The following ZNF569 variants were observed in gnomAD, a reference collection of about 807,000 sequenced individuals.
ZNF569 encodes the protein zinc finger protein 569.
In ZNF569, 38 loss-of-function variants were observed where a neutral mutation model predicts 56.3. The observed-to-expected ratio is 0.68, with a 90% CI of 0.52 to 0.88. The LOEUF is 0.88. Among genes scored for constraint, ZNF569 ranks in the 40% least tolerant of loss-of-function variants. The pLI is 0.00. For missense variants in ZNF569, 666 were observed against 809.2 expected, an observed-to-expected ratio of 0.82 and a Z score of 2.15; for synonymous variants, 241 against 262.9, an observed-to-expected ratio of 0.92 and a Z score of 0.81.
At chr19:37,438,915 AAT>A (rs2041357124) in intron 3 of ZNF569, among the ~76,000 whole-genome samples, 1 of 152,148 alleles carries the variant, frequency 6.6e-6, no homozygotes, top group Non-Finnish European at 1.5e-5. Flanking sequence ...AAAAAAGTCT[AAT>A]AACTTGATTT....
At chr19:37,427,485 G>C (rs1342298367) in intron 3 of ZNF569, among the ~76,000 whole-genome samples, 1 of 152,136 alleles carries the variant, frequency 6.6e-6, no homozygotes, top group Non-Finnish European at 1.5e-5. Context: ...GGAAAAAAGG[G>C]AGCAATCCAT....
chr19:37,420,671 G>A (rs2041020167), intron 5 of ZNF569, among the ~76,000 whole-genome samples: 1 of 152,070 alleles, frequency 6.6e-6, no homozygotes, highest in African/African-American at 2.4e-5. Flanking sequence ...CTGAAGCCTT[G>A]AATCCTTCAA....
chr19:37,449,757 G>A (rs2041562326), intron 2 of ZNF569, among the ~76,000 whole-genome samples: 3 of 151,076 alleles, frequency 2.0e-5, no homozygotes, highest in Admixed American at 6.6e-5. Flanking sequence ...CCATCTTGTA[G>A]TCTGGTAGTT....
chr19:37,455,195 T>C (rs1003200630), intron 2 of ZNF569: 1 of 244,090 alleles, frequency 4.1e-6, no homozygotes, highest in African/African-American at 2.2e-5. Flanking sequence ...CAGTTTAAAG[T>C]CAAGTAAATT....
At chr19:37,465,691 G>C (rs991088036) in intron 1 of ZNF569, among the ~76,000 whole-genome samples, 1 of 152,134 alleles carries the variant, frequency 6.6e-6, no homozygotes, top group African/African-American at 2.4e-5. Flanking sequence ...CAATAATACT[G>C]CAGATTATTG....
At chr19:37,419,969 C>CTT (rs60568702) in intron 5 of ZNF569, among the ~76,000 whole-genome samples, 1,368 of 100,562 alleles carry the variant, frequency 0.014, 35 homozygotes, top group Non-Finnish European at 0.016. Flanking sequence ...TCTTTTCTTT[C>CTT]TTTTTTTTTT....
At chr19:37,452,256 G>A (rs2041606581) in intron 2 of ZNF569, among the ~76,000 whole-genome samples, 1 of 152,106 alleles carries the variant, frequency 6.6e-6, no homozygotes, top group African/African-American at 2.4e-5. Context: ...TATTCACAGT[G>A]TATCTTTTAA....
chr19:37,425,827 G>T, intron 5 of ZNF569, 41 bp downstream of exon 5: 1 of 1,455,706 alleles, frequency 6.9e-7, no homozygotes. Context: ...TCATTAATAG[G>T]CCCTGACCTC....
chr19:37,463,050 C>A (rs1230367636), intron 2 of ZNF569, among the ~76,000 whole-genome samples: 1 of 152,212 alleles, frequency 6.6e-6, no homozygotes, highest in Non-Finnish European at 1.5e-5. Context: ...TAATGACACA[C>A]CCATTCAAGT....
chr19:37,441,256 A>G, intron 3 of ZNF569, among the ~76,000 whole-genome samples: 1 of 152,196 alleles, frequency 6.6e-6, no homozygotes, highest in East Asian at 1.9e-4. Context: ...AGAAGCAGTG[A>G]GTTAAGTGGG....
At chr19:37,468,495 TTTTG>T (rs1016518850), upstream of ZNF569, among the ~76,000 whole-genome samples, 8 of 151,394 alleles carry the variant, frequency 5.3e-5, no homozygotes, top group Non-Finnish European at 8.8e-5. Flanking sequence ...GTCACGAGGT[TTTTG>T]TTTGTTTGTT....
intron 3 of ZNF569, among the ~76,000 whole-genome samples, chr19:37,434,967 C>G (rs1047771273): frequency 1.3e-5 from 2 of 152,144 alleles, no homozygotes; most frequent in Admixed American, 1.3e-4. Flanking sequence ...AGCCTTGCTG[C>G]TCACACAAAG....
chr19:37,468,095 T>G (rs923116650), upstream of ZNF569: 2 of 634,360 alleles, frequency 3.2e-6, no homozygotes, highest in African/African-American at 2.1e-5. Flanking sequence ...GTTTGTTTTG[T>G]TTTTTTTGAG....
chr19:37,451,666 C>T (rs1384012125), intron 2 of ZNF569, among the ~76,000 whole-genome samples: 3 of 152,034 alleles, frequency 2.0e-5, no homozygotes, highest in Non-Finnish European at 4.4e-5. Flanking sequence ...GTGGGTTGAC[C>T]TATTATCATT....
chr19:37,466,606 G>C (rs1277107752), intron 1 of ZNF569: 2 of 152,224 alleles, frequency 1.3e-5, no homozygotes, highest in Admixed American at 6.5e-5. Context: ...CAGCAGCCTG[G>C]GCAACGAGAG....
intron 2 of ZNF569, among the ~76,000 whole-genome samples, chr19:37,449,183 C>A (rs769797607): frequency 2.0e-5 from 3 of 152,156 alleles, no homozygotes; most frequent in Non-Finnish European, 4.4e-5. Flanking sequence ...TGAGAACAGA[C>A]TTTGAATGAC....
upstream of ZNF569, among the ~76,000 whole-genome samples, chr19:37,468,581 C>T (rs2041892492): frequency 6.6e-6 from 1 of 152,156 alleles, no homozygotes; most frequent in South Asian, 2.1e-4. Context: ...CTGCAACCTC[C>T]GCCTCCTTTC....
chr19:37,468,058 C>T, upstream of ZNF569: 2 of 777,908 alleles, frequency 2.6e-6, no homozygotes, highest in Non-Finnish European at 4.1e-6. Flanking sequence ...CTTAACTTCT[C>T]TATGCCTTTC....
chr19:37,464,142 C>CCA (rs149837882), intron 2 of ZNF569, among the ~76,000 whole-genome samples: 33 of 151,722 alleles, frequency 2.2e-4, no homozygotes, highest in African/African-American at 7.5e-4. Context: ...TCACTCACCA[C>CCA]CACACACACA....
Sources: gnomAD v4.1 joint callset for allele counts (sites outside exome capture counted in the v4.1 genomes callset) on GRCh38, gnomAD v4.1.1 for gene constraint, MANE v1.5 for transcripts, NCBI Gene and HGNC (gene_info 2026-07-23, HGNC 2026-07-21) for gene names.